BIRC3: variants seen among roughly 807,000 people sequenced by gnomAD.
BIRC3 encodes the protein baculoviral IAP repeat-containing protein 3.
In BIRC3, 26 loss-of-function variants were observed where a neutral mutation model predicts 59.0. The observed-to-expected ratio is 0.44, with a 90% CI of 0.32 to 0.61. The LOEUF (loss-of-function observed/expected upper bound fraction) is 0.61, where lower values mean the gene tolerates loss of function less well. Ranked by LOEUF, BIRC3 falls within the 20% of genes least tolerant of loss-of-function variation. The pLI, the probability that BIRC3 is intolerant of heterozygous loss-of-function variation, is 0.04. For missense variants in BIRC3, 641 were observed against 711.5 expected, an observed-to-expected ratio of 0.90 and a Z score of 1.13; for synonymous variants, 243 against 249.2, an observed-to-expected ratio of 0.98 and a Z score of 0.24.
In BIRC3 at chr11:102,324,988, G is replaced by T. The variant is rs897653950; in HGVS notation, c.479G>T (p.Ser160Ile). 3.1e-6 allele frequency: 5 copies of T among 1,614,198 alleles called. No individual in the cohort carries two copies. Among genetic ancestry groups the T allele is most frequent in the East Asian group, 2.2e-5 (1 of 44,890 alleles). Reference sequence around the variant, plus strand: ...CAAGATTTTTCTGCCTTGATGAGAAGTTCCTACCACTGTGCAATGAATAAC... The same window carrying T: ...CAAGATTTTTCTGCCTTGATGAGAATTTCCTACCACTGTGCAATGAATAAC... ...ANQDFSALMR[S>I]SYHCAMNNEN... The change falls in exon 2 of 9, where the codon AGT becomes ATT. Residue 160 changes from serine (S) to isoleucine (I), a missense_variant. By Grantham distance (142) the Ser-to-Ile change is moderately radical (BLOSUM62 -2). This residue lies in a region of BIRC3 where 329 missense variants were observed against 365.6 expected (regional missense o/e 0.90). Coordinates refer to ENST00000263464, the MANE Select transcript of BIRC3 (RefSeq NM_001165.5).
chr11:102,331,117 G>C lies in BIRC3; in HGVS notation c.1200G>C (p.Gln400His). The change falls in exon 6 of 9, where the codon CAG becomes CAC. Residue 400 changes from glutamine (Q) to histidine (H), a missense_variant. Gln to His is a conservative substitution (Grantham distance 24). This residue lies in a region of BIRC3 where 268 missense variants were observed against 255.7 expected (regional missense o/e 1.05). Transcript: ENST00000263464. ...FSRSLVKQTV[Q>H]RKILATGENY... ...GAAGCCTGGTAAAACAGACAGTTCA[G>C]AGAAAAATCCTAGCAACTGGAGAGA... is the stretch of plus-strand genomic sequence containing the variant. 6.2e-7 allele frequency: 1 copy of C among 1,613,762 alleles called. No homozygotes were observed. The highest frequency in any genetic ancestry group is 8.5e-7 in the Non-Finnish European group (1 of 1,179,850).
At chr11:102,330,308 A>C (rs762748435) in intron 5 of BIRC3, among the ~76,000 whole-genome samples, 136 of 152,330 alleles carry the variant, frequency 8.9e-4, no homozygotes, top group Non-Finnish European at 1.6e-3. Flanking sequence ...CTAATAGATA[A>C]ATCAGGGAAG....
chr11:102,324,844 C>G lies in BIRC3; in HGVS notation c.335C>G (p.Thr112Ser), dbSNP rs1951065418. The G allele has an allele frequency of 6.2e-7, 1 of 1,614,112 alleles. No individual in the cohort carries two copies. Among genetic ancestry groups the G allele is most frequent in the Non-Finnish European group, 8.5e-7 (1 of 1,180,046 alleles). Residue 112 changes from threonine to serine, a missense_variant, in exon 2 of 9, where the codon ACT becomes AGT. Physicochemically the swap from Thr to Ser is moderately conservative, Grantham distance 58. This residue lies in a region of BIRC3 where 329 missense variants were observed against 365.6 expected (regional missense o/e 0.90). Coordinates refer to ENST00000263464, the MANE Select transcript of BIRC3 (RefSeq NM_001165.5). ...VNNLEATSQP[T>S]FPSSVTNSTH... is the part of the protein sequence containing the mutation. ...AACTTGGAAGCTACCTCTCAGCCTA[C>G]TTTTCCTTCTTCAGTAACAAATTCC...
At chr11:102,333,107 A>G (rs1172605090) in intron 6 of BIRC3, among the ~76,000 whole-genome samples, 23 of 152,220 alleles carry the variant, frequency 1.5e-4, no homozygotes, top group Admixed American at 1.4e-3. Context: ...CTGCCTCACC[A>G]TTATATATAT....
chr11:102,323,973 T>C lies in BIRC3; in HGVS notation c.-537T>C, dbSNP rs1295052885. 2.9e-5 allele frequency: 6 copies of C among 206,014 alleles called. No homozygotes were observed. Among genetic ancestry groups the C allele is most frequent in the African/African-American group, 1.4e-4 (6 of 43,870 alleles). 12.8% of individuals were successfully genotyped at this position (206,014 alleles called of 1,614,324 possible). A position where few individuals can be genotyped will look rare whatever the true frequency, so the allele number is the denominator to read the frequency against. On this transcript the variant is annotated 5_prime_UTR_variant, in exon 2 of 9. Transcript: ENST00000263464. ...TTATTTTCCTCCTTTGAGTTAGGTC[T>C]TGTGCTTTTTTTTCCTGGCCACTAA...
chr11:102,329,065 T>C (rs1591522712), intron 5 of BIRC3, 120 bp downstream of exon 5: 3 of 501,762 alleles, frequency 6.0e-6, no homozygotes, highest in Admixed American at 4.2e-5. Context: ...GAATGCATTT[T>C]CAAATATACT....
At position 102,337,116 on chromosome 11, in the gene BIRC3, C is replaced by CA. The variant is rs773423539; in HGVS notation, c.*15dup. 10 of 1,472,626 alleles carry CA rather than the reference C, an allele frequency of 6.8e-6. No individual in the cohort carries two copies. The South Asian group carries it at 1.3e-4, about 20-fold the overall frequency. The allele number at this position is 1,472,626 out of a possible 1,614,324, so 91.2% of individuals were successfully genotyped here. On this transcript the variant is annotated 3_prime_UTR_variant, in exon 9 of 9. Transcript: ENST00000263464. ...TTTCTTTCATGAAGAAGAACCAAAA[C>CA]ATCGTCTAAACTTTAGAATTAATTT... is the stretch of plus-strand genomic sequence containing the variant.
In BIRC3 at chr11:102,326,831, C is replaced by T. The variant is rs538195921; in HGVS notation, c.954-1221C>T. On this transcript the variant is annotated intron_variant, in intron 3 of 8. Transcript: ENST00000263464. ...CAGGCAATTCTCATGCCTCGAGCCT[C>T]GCTAGTAGCTGGGATTACAGGTGCA... 2.1e-4 allele frequency: 95 copies of T among 452,732 alleles called. 1 individual carries two copies. Among genetic ancestry groups the T allele is most frequent in the Middle Eastern group, 1.3e-3 (2 of 1,532 alleles). 28.0% of individuals were successfully genotyped at this position (452,732 alleles called of 1,614,324 possible).
intron 6 of BIRC3, among the ~76,000 whole-genome samples, chr11:102,331,615 C>A (rs1037398486): frequency 1.3e-5 from 2 of 151,988 alleles, no homozygotes; most frequent in Non-Finnish European, 2.9e-5. Context: ...TGCTCACTCC[C>A]CTTTGGAGTA....
chr11:102,322,607 GC>G lies in BIRC3; in HGVS notation c.-1901del, dbSNP rs1951042080. Reference sequence around the variant, plus strand: ...TTTATAACAATGTGTAAAATTTTTGGCCAGGGAAAGGAATATTGAAGTTAGA... The same window carrying G: ...TTTATAACAATGTGTAAAATTTTTGGCAGGGAAAGGAATATTGAAGTTAGA... On this transcript the variant is annotated 5_prime_UTR_variant, in exon 2 of 9. An upstream open reading frame in the 5' UTR loses its in-frame stop. Transcript: ENST00000263464. 4.9e-6 allele frequency: 1 copy of G among 206,094 alleles called. No individual in the cohort carries two copies. Among genetic ancestry groups the G allele is most frequent in the South Asian group, 1.9e-4 (1 of 5,286 alleles). 12.8% of individuals were successfully genotyped at this position (206,094 alleles called of 1,614,324 possible). A position where few individuals can be genotyped will look rare whatever the true frequency, so the allele number is the denominator to read the frequency against.
In BIRC3 at chr11:102,325,098, A is replaced by G. The variant is rs759714681; in HGVS notation, c.589A>G (p.Ile197Val). Reference sequence around the variant, plus strand: ...TCTGGCAAAAGCAGGCTTTTACTACATAGGACCTGGAGACAGAGTGGCTTG... The same window carrying G: ...TCTGGCAAAAGCAGGCTTTTACTACGTAGGACCTGGAGACAGAGTGGCTTG... Reference protein sequence around the residue: ...TDLAKAGFYYIGPGDRVACFA... With the variant: ...TDLAKAGFYYVGPGDRVACFA... The change falls in exon 2 of 9, where the codon ATA becomes GTA. Residue 197 changes from isoleucine to valine, a missense_variant. Ile to Val is a conservative substitution (Grantham distance 29). Coordinates refer to ENST00000263464, the MANE Select transcript of BIRC3 (RefSeq NM_001165.5). The G allele has an allele frequency of 4.3e-6, 7 of 1,614,072 alleles. No individual in the cohort carries two copies. The highest frequency in any genetic ancestry group is 4.0e-5 in the African/African-American group (3 of 74,930).
At chr11:102,332,684 T>C (rs1056752192) in intron 6 of BIRC3, among the ~76,000 whole-genome samples, 2 of 152,204 alleles carry the variant, frequency 1.3e-5, no homozygotes, top group South Asian at 2.1e-4. Context: ...ACCCTGCCCA[T>C]GAAGATGGAT....
Position 102,324,427 on chromosome 11 carries a change from T to C in BIRC3, c.-83T>C. On this transcript the variant is annotated 5_prime_UTR_variant, in exon 2 of 9. Transcript: ENST00000263464. Reference sequence around the variant, plus strand: ...TTCATTTTGGCTTTTCAGCCTAGTATTAAAACTGATAAAAGCAAAGCCATG... The same window carrying C: ...TTCATTTTGGCTTTTCAGCCTAGTACTAAAACTGATAAAAGCAAAGCCATG... 1 of 1,482,468 alleles carries C rather than the reference T, an allele frequency of 6.7e-7. No individual in the cohort carries two copies. The highest frequency in any genetic ancestry group is 1.4e-5 in the African/African-American group (1 of 71,134). The allele number at this position is 1,482,468 out of a possible 1,614,324, so 91.8% of individuals were successfully genotyped here.
chr11:102,329,827 C>A lies in BIRC3; in HGVS notation c.1081+882C>A, dbSNP rs539450146. ...GGGAGGGATAGCATTAGGAGATACA[C>A]CTAATGTTAAATGACGAGTTAACGG... On this transcript the variant is annotated intron_variant, in intron 5 of 8. Coordinates refer to ENST00000263464, the MANE Select transcript of BIRC3 (RefSeq NM_001165.5). 3.3e-5 allele frequency among the ~76,000 whole-genome samples: 5 copies of A among 152,148 alleles called. No individual in the cohort carries two copies. In the East Asian group the frequency reaches 9.7e-4, roughly 29 times the overall value.
intron 1 of BIRC3, among the ~76,000 whole-genome samples, chr11:102,318,010 G>A (rs1375838798): frequency 1.3e-5 from 2 of 152,150 alleles, no homozygotes; most frequent in African/African-American, 4.8e-5. Context: ...GTTTTTGGTT[G>A]TCTTCCTGGT....
rs542300428 is a variant in BIRC3 at position 102,337,463 on chromosome 11, G to T, written c.*361G>T. The stretch of plus-strand genomic sequence containing the variant: ...ACTAATACCGGGAACATGAAGCCAG[G>T]TGTGGTGGTATGTGCCTGTAGTCCC... On this transcript the variant is annotated 3_prime_UTR_variant, in exon 9 of 9. Coordinates refer to ENST00000263464, the MANE Select transcript of BIRC3 (RefSeq NM_001165.5). 6 of 398,216 alleles carry T rather than the reference G, an allele frequency of 1.5e-5. No individual in the cohort carries two copies. The South Asian group carries it at 7.6e-4, about 50-fold the overall frequency. 24.7% of individuals were successfully genotyped at this position (398,216 alleles called of 1,614,324 possible).
Position 102,325,225 on chromosome 11 carries a change from T to G in BIRC3, c.716T>G (p.Leu239Arg), listed in dbSNP as rs764452461. ...AAATGCCCATTTATAGAAAATCAGC[T>G]TCAAGACACTTCAAGATACACAGTT... ...FPKCPFIENQ[L>R]QDTSRYTVSN... Residue 239 changes from leucine (L) to arginine (R), a missense_variant, in exon 2 of 9, where the codon CTT (leucine) becomes CGT (arginine). Around this residue, in one of 4 missense-constraint regions of BIRC3, gnomAD observed 329 missense variants for 365.6 expected, o/e 0.90. Transcript: ENST00000263464. The G allele has an allele frequency of 6.2e-7, 1 of 1,614,080 alleles. No homozygotes were observed. Among genetic ancestry groups the G allele is most frequent in the Admixed American group, 1.7e-5 (1 of 60,000 alleles).
At chr11:102,318,000 G>T (rs567002012) in intron 1 of BIRC3, among the ~76,000 whole-genome samples, 1 of 152,282 alleles carries the variant, frequency 6.6e-6, no homozygotes, top group African/African-American at 2.4e-5. Flanking sequence ...GAAGACAGCA[G>T]TTTTTGGTTG....
rs1398909429 is a variant in BIRC3 at position 102,322,507 on chromosome 11, G to T, written c.-2003G>T. ...GAGAATGATGAGGATGAGAATGATG[G>T]TTGAAGGTTACATTTTAGGAAATGA... On this transcript the variant is annotated 5_prime_UTR_variant, in exon 2 of 9. Coordinates refer to ENST00000263464, the MANE Select transcript of BIRC3 (RefSeq NM_001165.5). The T allele has an allele frequency of 4.9e-6, 1 of 205,966 alleles. No homozygotes were observed. Among genetic ancestry groups the T allele is most frequent in the Non-Finnish European group, 9.9e-6 (1 of 100,972 alleles). The allele number at this position is 205,966 out of a possible 1,614,324, so 12.8% of individuals were successfully genotyped here.
Sources: gnomAD v4.1 joint callset for allele counts (sites outside exome capture counted in the v4.1 genomes callset) on GRCh38, gnomAD v4.1.1 for gene constraint, gnomAD v4.1.1 regional missense constraint, MANE v1.5 for transcripts, NCBI Gene and HGNC (gene_info 2026-07-23, HGNC 2026-07-21) for gene names.